TNR: variants seen among roughly 807,000 people sequenced by gnomAD.
The protein encoded by TNR is tenascin R.
A neutral mutation model predicts 150.4 loss-of-function variants in TNR; 45 were observed. The observed-to-expected ratio is 0.30, with a 90% confidence interval of 0.24 to 0.38. The LOEUF (loss-of-function observed/expected upper bound fraction) is 0.38, where lower values mean the gene tolerates loss of function less well. TNR is among the 10% of genes least tolerant of loss of function. The pLI, the probability that TNR is intolerant of heterozygous loss-of-function variation, is 1.00. For synonymous variants in TNR, 687 were observed against 678.4 expected, an observed-to-expected ratio of 1.01 and a Z score of -0.20; for missense variants, 1,544 against 1,759.1, an observed-to-expected ratio of 0.88 and a Z score of 2.19.
intron 1 of TNR, among the ~76,000 whole-genome samples, chr1:175,611,280 T>C (rs1262726966): frequency 6.6e-6 from 1 of 152,070 alleles, no homozygotes; most frequent in Non-Finnish European, 1.5e-5. Flanking sequence ...TCTCTACAAA[T>C]GTTTATTTTT....
intron 1 of TNR, among the ~76,000 whole-genome samples, chr1:175,617,150 T>C (rs1285996482): frequency 6.6e-6 from 1 of 152,184 alleles, no homozygotes; most frequent in Non-Finnish European, 1.5e-5. Context: ...AATGGCATGG[T>C]TAGAGTCCCT....
At chr1:175,361,367 A>T (rs1651578946) in intron 14 of TNR, among the ~76,000 whole-genome samples, 1 of 152,310 alleles carries the variant, frequency 6.6e-6, no homozygotes, top group African/African-American at 2.4e-5. Context: ...GGTGGGATAG[A>T]GGCTTCTTTT....
At chr1:175,626,693 A>T (rs1043072509) in intron 1 of TNR, among the ~76,000 whole-genome samples, 2 of 152,234 alleles carry the variant, frequency 1.3e-5, no homozygotes, top group Non-Finnish European at 2.9e-5. Flanking sequence ...TTAAAATACT[A>T]GTTACCTATT....
intron 1 of TNR, among the ~76,000 whole-genome samples, chr1:175,580,885 T>A (rs1005152755): frequency 1.3e-5 from 2 of 152,062 alleles, no homozygotes; most frequent in Non-Finnish European, 2.9e-5. Flanking sequence ...AGTGGGGAGA[T>A]CCTGTATATT....
At chr1:175,511,719 T>C (rs1659181637) in intron 2 of TNR, among the ~76,000 whole-genome samples, 1 of 152,214 alleles carries the variant, frequency 6.6e-6, no homozygotes, top group South Asian at 2.1e-4. Flanking sequence ...ATGGAGCCAC[T>C]ACTTCTAACT....
chr1:175,433,942 T>C (rs1287821191), intron 2 of TNR, among the ~76,000 whole-genome samples: 1 of 152,174 alleles, frequency 6.6e-6, no homozygotes, highest in East Asian at 1.9e-4. Context: ...AGGTGACTAC[T>C]TTTCTGCCTG....
At chr1:175,719,922 A>G (rs1667255249) in intron 1 of TNR, among the ~76,000 whole-genome samples, 1 of 152,010 alleles carries the variant, frequency 6.6e-6, no homozygotes, top group South Asian at 2.1e-4. Flanking sequence ...CATTTCCACA[A>G]CAGTTCCTGT....
chr1:175,693,685 C>T (rs1370710313), intron 1 of TNR, among the ~76,000 whole-genome samples: 1 of 152,200 alleles, frequency 6.6e-6, no homozygotes, highest in Non-Finnish European at 1.5e-5. Context: ...ACTGAGAATG[C>T]TTTGATTGAA....
At chr1:175,555,826 C>T (rs915437927) in intron 1 of TNR, among the ~76,000 whole-genome samples, 2 of 152,212 alleles carry the variant, frequency 1.3e-5, no homozygotes, top group Non-Finnish European at 2.9e-5. Context: ...TGAGTTCAGC[C>T]TTGATAGGAG....
rs935761914 is a variant in TNR at position 175,354,405 on chromosome 1, G to T, written c.3368C>A (p.Thr1123Asn). ...QDTTWSSITSTAFTTGGRVFP... is the reference protein window; with the variant it reads ...QDTTWSSITSNAFTTGGRVFP... Reference sequence around the variant, plus strand: ...TGCTCCCTCACCTGTGGTGAAAGCGGTGGAGGTGATGCTGCTCCACGTGGT... The same window carrying T: ...TGCTCCCTCACCTGTGGTGAAAGCGTTGGAGGTGATGCTGCTCCACGTGGT... Residue 1123 changes from threonine to asparagine, a missense_variant, in exon 18 of 23, where the codon ACC becomes AAC. Thr to Asn is a moderately conservative substitution (Grantham distance 65, BLOSUM62 0). Transcript: ENST00000367674. 6.2e-7 allele frequency: 1 copy of T among 1,613,906 alleles called. No individual in the cohort carries two copies. The highest frequency in any genetic ancestry group is 1.3e-5 in the African/African-American group (1 of 74,940).
chr1:175,381,230 G>A (rs564538962), intron 8 of TNR, among the ~76,000 whole-genome samples: 2 of 152,316 alleles, frequency 1.3e-5, no homozygotes, highest in African/African-American at 4.8e-5. Flanking sequence ...CATGCATGAG[G>A]AGAAGCTGGG....
chr1:175,424,462 C>A (rs1480190945), intron 2 of TNR, among the ~76,000 whole-genome samples: 2 of 152,300 alleles, frequency 1.3e-5, no homozygotes, highest in South Asian at 2.1e-4. Flanking sequence ...AGCTTCCTCT[C>A]CATTAACAGG....
chr1:175,523,553 G>A (rs559944425), intron 2 of TNR, among the ~76,000 whole-genome samples: 8 of 152,226 alleles, frequency 5.3e-5, no homozygotes, highest in Non-Finnish European at 1.2e-4. Flanking sequence ...AGTACAATAC[G>A]TGCTCTGAGG....
At chr1:175,444,041 G>T (rs1272574647) in intron 2 of TNR, among the ~76,000 whole-genome samples, 1 of 152,152 alleles carries the variant, frequency 6.6e-6, no homozygotes, top group Non-Finnish European at 1.5e-5. Flanking sequence ...GACTTGGGGG[G>T]TGGTCTGTGT....
intron 15 of TNR, among the ~76,000 whole-genome samples, chr1:175,356,944 G>T (rs907677599): frequency 6.6e-6 from 1 of 152,194 alleles, no homozygotes; most frequent in Non-Finnish European, 1.5e-5. Context: ...TAATGGAGAG[G>T]TACTGACCAA....
intron 18 of TNR, among the ~76,000 whole-genome samples, chr1:175,349,207 T>C (rs935574691): frequency 1.3e-5 from 2 of 152,108 alleles, no homozygotes. Context: ...TGTAAACACA[T>C]CCCCTATGAC....
intron 2 of TNR, among the ~76,000 whole-genome samples, chr1:175,507,807 A>G (rs181326970): frequency 1.3e-5 from 2 of 152,374 alleles, no homozygotes; most frequent in East Asian, 3.9e-4. Flanking sequence ...TGGCACCAGC[A>G]TGAGTGACAA....
intron 1 of TNR, among the ~76,000 whole-genome samples, chr1:175,727,951 GT>G (rs1428521868): frequency 6.6e-6 from 1 of 152,200 alleles, no homozygotes; most frequent in East Asian, 1.9e-4. Context: ...AATATAGTGA[GT>G]TTGCCAGACT....
intron 2 of TNR, among the ~76,000 whole-genome samples, chr1:175,517,980 A>T (rs1207127458): frequency 6.6e-6 from 1 of 152,232 alleles, no homozygotes; most frequent in Non-Finnish European, 1.5e-5. Context: ...AGCACAAGAA[A>T]GAACTGCAGA....
Sources: gnomAD v4.1 joint callset for allele counts (sites outside exome capture counted in the v4.1 genomes callset) on GRCh38, gnomAD v4.1.1 for gene constraint, MANE v1.5 for transcripts, NCBI Gene and HGNC (gene_info 2026-07-23, HGNC 2026-07-21) for gene names.